Variants in KCNK13 observed in about 807,000 individuals in gnomAD.
KCNK13 encodes potassium channel subfamily K member 13.
KCNK13 carries 12 observed loss-of-function variants against 23.4 expected under a neutral mutation model. The ratio of observed to expected loss-of-function variants is 0.51; its 90% CI spans 0.33 to 0.83. The LOEUF (loss-of-function observed/expected upper bound fraction) is 0.83. Among genes scored for constraint, KCNK13 ranks in the 40% least tolerant of loss-of-function variants. The probability of loss-of-function intolerance (pLI) is 0.02; values close to 1 mark genes in which losing one functional copy is unlikely to be tolerated. For missense variants in KCNK13, 463 were observed against 556.3 expected (o/e 0.83, Z 1.69); for synonymous variants, 231 against 229.5 (o/e 1.01, Z -0.06).
chr14:90,069,021 G>GTTTTTA (rs1384050152), intron 1 of KCNK13, among the ~76,000 whole-genome samples: 27 of 134,466 alleles, frequency 2.0e-4, no homozygotes, highest in African/African-American at 7.6e-4. Context: ...CTCAACAACA[G>GTTTTTA]TTTTTATTCT....
At chr14:90,171,024 A>T (rs547857814) in intron 1 of KCNK13, among the ~76,000 whole-genome samples, 1 of 152,284 alleles carries the variant, frequency 6.6e-6, no homozygotes, top group East Asian at 1.9e-4. Flanking sequence ...TCCCAGCTTG[A>T]CTTTTCCCTT....
At chr14:90,075,777 G>A (rs1889127598) in intron 1 of KCNK13, among the ~76,000 whole-genome samples, 1 of 152,074 alleles carries the variant, frequency 6.6e-6, no homozygotes, top group African/African-American at 2.4e-5. Flanking sequence ...CACTACAACA[G>A]GTCTAGACTT....
chr14:90,070,693 A>G (rs768107052), intron 1 of KCNK13, among the ~76,000 whole-genome samples: 2 of 152,138 alleles, frequency 1.3e-5, no homozygotes, highest in Non-Finnish European at 2.9e-5. Context: ...CTTTTCTTCA[A>G]TATTTTTGCA....
At chr14:90,167,582 C>T (rs1002566479) in intron 1 of KCNK13, among the ~76,000 whole-genome samples, 1 of 152,164 alleles carries the variant, frequency 6.6e-6, no homozygotes, top group Non-Finnish European at 1.5e-5. Context: ...ACAAGTTCCT[C>T]AGATGGTTTT....
chr14:90,076,396 A>G (rs1369173396), intron 1 of KCNK13, among the ~76,000 whole-genome samples: 1 of 152,212 alleles, frequency 6.6e-6, no homozygotes, highest in Non-Finnish European at 1.5e-5. Context: ...TAAAACAGAA[A>G]TTGTAAGCAC....
In KCNK13 at chr14:90,127,886, T is replaced by A. The variant is rs187342314; in HGVS notation, c.335-56225T>A. Among the ~76,000 whole-genome samples, 28 of 151,724 alleles carry A rather than the reference T, an allele frequency of 1.8e-4. No individual in the cohort carries two copies. In the East Asian group the frequency reaches 5.4e-3, roughly 29 times the overall value. On this transcript the variant is annotated intron_variant, in intron 1 of 1. Transcript: ENST00000282146. ...ATGTTTCATCTAACAGAGTACATTC[T>A]GTGACCATTCTGAGTGTACTTTTGG...
intron 1 of KCNK13, among the ~76,000 whole-genome samples, chr14:90,148,749 T>G (rs1250988977): frequency 2.0e-5 from 3 of 152,198 alleles, no homozygotes; most frequent in Non-Finnish European, 4.4e-5. Flanking sequence ...AGGGTGCTAA[T>G]AGAGAACTTT....
intron 1 of KCNK13, among the ~76,000 whole-genome samples, chr14:90,164,945 C>A (rs553753142): frequency 1.3e-5 from 2 of 152,152 alleles, no homozygotes; most frequent in Non-Finnish European, 2.9e-5. Flanking sequence ...TTCGCATACC[C>A]CTTACCCATG....
At chr14:90,135,317 G>A (rs1889922824) in intron 1 of KCNK13, among the ~76,000 whole-genome samples, 1 of 152,198 alleles carries the variant, frequency 6.6e-6, no homozygotes, top group African/African-American at 2.4e-5. Context: ...GGCCGCCTCA[G>A]GGTCCAGCCA....
chr14:90,148,668 C>T (rs78030235), intron 1 of KCNK13, among the ~76,000 whole-genome samples: 2,950 of 152,228 alleles, frequency 0.019, 43 homozygotes, highest in Non-Finnish European at 0.031. Flanking sequence ...CAGAAGGTGG[C>T]GGGGAAAGTT....
intron 1 of KCNK13, among the ~76,000 whole-genome samples, chr14:90,148,075 A>T (rs919446430): frequency 1.3e-5 from 2 of 152,176 alleles, no homozygotes; most frequent in Non-Finnish European, 2.9e-5. Context: ...AGGCATGAGG[A>T]TGGCTTGAGC....
chr14:90,150,529 A>G (rs908507125), intron 1 of KCNK13, among the ~76,000 whole-genome samples: 1 of 152,218 alleles, frequency 6.6e-6, no homozygotes, highest in Non-Finnish European at 1.5e-5. Context: ...AGACACTCCA[A>G]CCTGCAAAAT....
At chr14:90,077,078 C>A (rs896292877) in intron 1 of KCNK13, among the ~76,000 whole-genome samples, 1 of 147,232 alleles carries the variant, frequency 6.8e-6, no homozygotes, top group African/African-American at 2.5e-5. Flanking sequence ...CTCAGCCTCC[C>A]AAAGTGCTGG....
intron 1 of KCNK13, among the ~76,000 whole-genome samples, chr14:90,127,334 T>C (rs1889812577): frequency 6.6e-6 from 1 of 152,122 alleles, no homozygotes; most frequent in African/African-American, 2.4e-5. Context: ...AGCCTTTCTG[T>C]ATTTTCTGCA....
rs60505302 is a variant in KCNK13, at chr14:90,130,179, CATTT to C, written c.335-53899_335-53896del. ...AGAACTGGAAGAAGATGGAGAAGGA[CATTT>C]ATTTATTTATTTATTTATTTATTTA... On this transcript the variant is annotated intron_variant, in intron 1 of 1. Coordinates refer to ENST00000282146, the MANE Select transcript of KCNK13 (RefSeq NM_022054.4). Among the ~76,000 whole-genome samples, 792 of 142,140 alleles carry C rather than the reference CATTT, an allele frequency of 5.6e-3. 6 individuals are homozygous for C. Among genetic ancestry groups the C allele is most frequent in the African/African-American group, 0.019 (709 of 38,312 alleles). 93.2% of individuals were successfully genotyped at this position (142,140 alleles called of 152,430 possible). A position where few individuals can be genotyped will look rare whatever the true frequency, so the allele number is the denominator to read the frequency against.
At chr14:90,137,619 C>T (rs772961788) in intron 1 of KCNK13, among the ~76,000 whole-genome samples, 1 of 152,112 alleles carries the variant, frequency 6.6e-6, no homozygotes, top group Non-Finnish European at 1.5e-5. Context: ...CCGTACCCGG[C>T]CCCAGTCTTG....
Position 90,062,532 on chromosome 14 carries a change from C to T in KCNK13, c.327C>T (p.Ser109=), listed in dbSNP as rs1368922533. ...GAFYFVGTVV[S]TIGFGMTTPA... ...TCTACTTCGTGGGCACCGTCGTTTC[C>T]ACCATAGGTAAGTGTGCTGGCCGGA... The change falls in exon 1 of 2, where the codon TCC becomes TCT. Residue 109 remains serine, a synonymous_variant. Transcript: ENST00000282146. This position sits in a 1 kb window ranked among gnomAD's most constrained non-coding sequence, Gnocchi z 4.5. 4.0e-6 allele frequency: 6 copies of T among 1,509,840 alleles called. No individual in the cohort carries two copies. In the South Asian group the frequency reaches 6.5e-5, roughly 16 times the overall value. 93.5% of individuals were successfully genotyped at this position (1,509,840 alleles called of 1,614,324 possible). A position where few individuals can be genotyped will look rare whatever the true frequency, so the allele number is the denominator to read the frequency against.
chr14:90,072,935 T>C (rs1889093083), intron 1 of KCNK13, among the ~76,000 whole-genome samples: 1 of 152,190 alleles, frequency 6.6e-6, no homozygotes, highest in African/African-American at 2.4e-5. Flanking sequence ...TGTGTACGTT[T>C]AGTTCTAACA....
intron 1 of KCNK13, among the ~76,000 whole-genome samples, chr14:90,098,804 C>T (rs758707095): frequency 4.2e-4 from 64 of 152,196 alleles, no homozygotes; most frequent in Non-Finnish European, 6.0e-4. Flanking sequence ...CAAGGCCAGG[C>T]GCGGTGGCTC....
Sources: gnomAD v4.1 joint callset for allele counts (sites outside exome capture counted in the v4.1 genomes callset) on GRCh38, gnomAD v4.1.1 for gene constraint, Gnocchi (gnomAD v3.1) non-coding constraint, MANE v1.5 for transcripts, NCBI Gene and HGNC (gene_info 2026-07-23, HGNC 2026-07-21) for gene names.